EVC: variants seen among roughly 807,000 people sequenced by gnomAD.
EVC encodes evC complex member EVC.
EVC carries 116 observed loss-of-function variants against 118.9 expected under a neutral mutation model. The ratio of observed to expected loss-of-function variants is 0.98; its 90% CI spans 0.84 to 1.14. The LOEUF (loss-of-function observed/expected upper bound fraction) is 1.14. EVC is among the 50% of genes most tolerant of loss of function. The pLI, the probability that EVC is intolerant of heterozygous loss-of-function variation, is 0.00. For missense variants in EVC, 1,401 were observed against 1,246.4 expected, an observed-to-expected ratio of 1.12 and a Z score of -1.87; for synonymous variants, 619 against 534.7, an observed-to-expected ratio of 1.16 and a Z score of -2.18.
intron 17 of EVC, among the ~76,000 whole-genome samples, chr4:5,807,405 C>T (rs1361642681): frequency 6.6e-6 from 1 of 152,174 alleles, no homozygotes; most frequent in Non-Finnish European, 1.5e-5. Flanking sequence ...CACCTCGGAG[C>T]ACTCCACACG....
intron 12 of EVC, among the ~76,000 whole-genome samples, chr4:5,784,468 C>T (rs1298446680): frequency 6.6e-6 from 1 of 152,194 alleles, no homozygotes; most frequent in African/African-American, 2.4e-5. Context: ...GCCCTGCTGA[C>T]ACCTTGATTT....
At chr4:5,739,398 G>A (rs991273149) in intron 5 of EVC, among the ~76,000 whole-genome samples, 3 of 152,168 alleles carry the variant, frequency 2.0e-5, no homozygotes, top group African/African-American at 4.8e-5. Flanking sequence ...CAGCTCTGTC[G>A]CATGTGGCTG....
rs1180821513 is a variant in EVC, at chr4:5,737,787, T to A, written c.703-3929T>A. Among the ~76,000 whole-genome samples the A allele has an allele frequency of 6.6e-6, 1 of 151,574 alleles. No individual in the cohort carries two copies. Among genetic ancestry groups the A allele is most frequent in the African/African-American group, 2.4e-5 (1 of 40,882 alleles). On this transcript the variant is annotated intron_variant, in intron 5 of 20. Coordinates refer to ENST00000264956, the MANE Select transcript of EVC (RefSeq NM_153717.3). This position sits in a 1 kb window ranked among gnomAD's most constrained non-coding sequence, Gnocchi z 5.0. The stretch of plus-strand genomic sequence containing the variant: ...TCAAAACCCCTGGTCACCCGAGAGC[T>A]CTGATGAAGATGTACAAGGAAGTTA...
chr4:5,770,588 A>G (rs970449916), intron 11 of EVC, among the ~76,000 whole-genome samples: 15 of 152,152 alleles, frequency 9.9e-5, no homozygotes, highest in African/African-American at 3.1e-4. Flanking sequence ...GGGAGAAGGA[A>G]TGTGCCCTCC....
intron 17 of EVC, among the ~76,000 whole-genome samples, chr4:5,805,880 C>T (rs938191398): frequency 1.5e-5 from 2 of 135,932 alleles, no homozygotes; most frequent in Admixed American, 7.9e-5. Flanking sequence ...AATTCAGAGG[C>T]AGTTTCTTTT....
Position 5,802,038 on chromosome 4 carries a change from G to T in EVC, c.2393G>T (p.Gly798Val), listed in dbSNP as rs1715095083. ...RLVQAYYQQI[G>V]RIMEDHEERK... Reference sequence around the variant, plus strand: ...GTGCAGGCGTATTACCAGCAAATCGGAAGGATCATGGAGGACCACGAGGAG... The same window carrying T: ...GTGCAGGCGTATTACCAGCAAATCGTAAGGATCATGGAGGACCACGAGGAG... The change falls in exon 16 of 21, where the codon GGA becomes GTA. Residue 798 changes from glycine (G) to valine (V), a missense_variant. Physicochemically the swap from Gly to Val is moderately radical, Grantham distance 109. Coordinates refer to ENST00000264956, the MANE Select transcript of EVC (RefSeq NM_153717.3). 1.2e-6 allele frequency: 2 copies of T among 1,614,242 alleles called. No homozygotes were observed. The highest frequency in any genetic ancestry group is 1.7e-6 in the Non-Finnish European group (2 of 1,180,050).
intron 15 of EVC, among the ~76,000 whole-genome samples, chr4:5,801,229 G>A (rs976196265): frequency 2.0e-5 from 3 of 152,206 alleles, no homozygotes; most frequent in Non-Finnish European, 4.4e-5. Context: ...GACCGAGGAC[G>A]AGGGTCTTTG....
intron 2 of EVC, among the ~76,000 whole-genome samples, chr4:5,726,270 T>C (rs562348665): frequency 6.6e-6 from 1 of 152,378 alleles, no homozygotes; most frequent in African/African-American, 2.4e-5. Flanking sequence ...AATTGCCCAG[T>C]AGAGATTTCT....
In EVC at chr4:5,783,915, CAG is replaced by C. The variant is rs202174746; in HGVS notation, c.1776+152_1776+153del. ...GCCTCCCTTTCACAATGGCCCACCA[CAG>C]GGGTGGGATGAGAGAGCAGAGCCCT... On this transcript the variant is annotated intron_variant, in intron 12 of 20. Transcript: ENST00000264956. 5,916 of 734,680 alleles carry C rather than the reference CAG, an allele frequency of 8.1e-3. 61 individuals are homozygous for C. The highest frequency in any genetic ancestry group is 0.036 in the Admixed American group (1,597 of 44,794). The allele number at this position is 734,680 out of a possible 1,614,324, so 45.5% of individuals were successfully genotyped here.
At chr4:5,784,058 A>G (rs1204096953) in intron 12 of EVC, among the ~76,000 whole-genome samples, 1 of 152,126 alleles carries the variant, frequency 6.6e-6, no homozygotes, top group African/African-American at 2.4e-5. Flanking sequence ...GCAGGAAGGA[A>G]AGGGGTTCAC....
chr4:5,796,176 TC>T (rs1334470183), intron 13 of EVC, among the ~76,000 whole-genome samples: 1 of 152,218 alleles, frequency 6.6e-6, no homozygotes, highest in Non-Finnish European at 1.5e-5. Context: ...TTTCCAGTTA[TC>T]TGCTGAAATT....
At chr4:5,765,804 C>A (rs1178841833) in intron 11 of EVC, among the ~76,000 whole-genome samples, 1 of 150,454 alleles carries the variant, frequency 6.6e-6, no homozygotes, top group African/African-American at 2.5e-5. Flanking sequence ...TGTGTCTGCA[C>A]GTGAGATGGG....
At chr4:5,821,822 G>A in the EVC span, 3 of 1,608,886 alleles carry the variant, frequency 1.9e-6, no homozygotes, top group South Asian at 1.1e-5. The surrounding 1 kb of genome is among the most constrained non-coding windows in gnomAD (Gnocchi z 4.4). Flanking sequence ...TGGCCGGTGC[G>A]CCTGGGATTG....
chr4:5,773,773 C>G (rs1206931264), intron 11 of EVC, among the ~76,000 whole-genome samples: 1 of 152,094 alleles, frequency 6.6e-6, no homozygotes, highest in Non-Finnish European at 1.5e-5. Flanking sequence ...TTGTTCAACC[C>G]ACTTCCCATT....
At chr4:5,747,609 G>A (rs1453491644) in intron 7 of EVC, among the ~76,000 whole-genome samples, 3 of 152,172 alleles carry the variant, frequency 2.0e-5, no homozygotes, top group Non-Finnish European at 4.4e-5. Context: ...TGCATTCTAA[G>A]CCACTTGGGA....
the EVC span, chr4:5,825,274 T>TACC: frequency 2.0e-6 from 2 of 985,284 alleles, no homozygotes; most frequent in Non-Finnish European, 2.4e-6. The surrounding 1 kb of genome is among the most constrained non-coding windows in gnomAD (Gnocchi z 4.4). Flanking sequence ...CCACATCAGG[T>TACC]ACCACCATGT....
chr4:5,753,745 A>G (rs1730750791), intron 9 of EVC, 40 bp from the exon 10 acceptor site: 1 of 1,613,874 alleles, frequency 6.2e-7, no homozygotes, highest in Non-Finnish European at 8.5e-7. Flanking sequence ...ATTCTGGCTC[A>G]CAGAGTCACC....
At chr4:5,747,119 A>G (rs993213025) in intron 7 of EVC, among the ~76,000 whole-genome samples, 6 of 152,030 alleles carry the variant, frequency 3.9e-5, no homozygotes, top group African/African-American at 1.4e-4. Flanking sequence ...CTGGGAGGCA[A>G]TGGGGCCCTG....
chr4:5,740,906 CA>C (rs1427000207), intron 5 of EVC, among the ~76,000 whole-genome samples: 1 of 152,152 alleles, frequency 6.6e-6, no homozygotes, highest in Admixed American at 6.5e-5. Flanking sequence ...ACACACTTGT[CA>C]AAATGGCTAA....
Sources: gnomAD v4.1 joint callset for allele counts (sites outside exome capture counted in the v4.1 genomes callset) on GRCh38, gnomAD v4.1.1 for gene constraint, Gnocchi (gnomAD v3.1) non-coding constraint, MANE v1.5 for transcripts, NCBI Gene and HGNC (gene_info 2026-07-23, HGNC 2026-07-21) for gene names.